Variants in CDYL observed in about 807,000 individuals in gnomAD.
CDYL encodes the protein chromodomain Y-like protein.
A neutral mutation model predicts 47.3 loss-of-function variants in CDYL; 8 were observed. The observed-to-expected ratio is 0.17, with a 90% CI of 0.10 to 0.31. The LOEUF (loss-of-function observed/expected upper bound fraction) is 0.31, where lower values mean the gene tolerates loss of function less well. Among genes scored for constraint, CDYL ranks in the 10% least tolerant of loss-of-function variants. The probability of loss-of-function intolerance (pLI) is 1.00; values close to 1 mark genes in which losing one functional copy is unlikely to be tolerated. For synonymous variants in CDYL, 266 were observed against 265.0 expected (o/e 1.00, Z -0.04); for missense variants, 471 against 701.4 (o/e 0.67, Z 3.71).
intron 1 of CDYL, among the ~76,000 whole-genome samples, chr6:4,871,084 T>A (rs564655770): frequency 6.6e-6 from 1 of 152,328 alleles, no homozygotes; most frequent in African/African-American, 2.4e-5. Context: ...TTTATGAGTG[T>A]GTGTTTATGT....
At chr6:4,911,002 C>CT (rs1244400743) in intron 2 of CDYL, among the ~76,000 whole-genome samples, 3 of 151,742 alleles carry the variant, frequency 2.0e-5, no homozygotes, top group Non-Finnish European at 4.4e-5. Context: ...CCCGGCTAAT[C>CT]TTTTTTTTGT....
At chr6:4,780,084 C>T (rs1229081808) in intron 1 of CDYL, among the ~76,000 whole-genome samples, 3 of 152,102 alleles carry the variant, frequency 2.0e-5, no homozygotes, top group Non-Finnish European at 4.4e-5. Context: ...GATCAACTGT[C>T]ATAGTCTGTT....
intron 2 of CDYL, among the ~76,000 whole-genome samples, chr6:4,902,338 A>G (rs1052772432): frequency 1.2e-4 from 18 of 151,146 alleles, no homozygotes; most frequent in African/African-American, 3.6e-4. Context: ...CCCGGGAGGC[A>G]GAGGTTGCAG....
chr6:4,920,050 C>T (rs1330927512), intron 2 of CDYL, among the ~76,000 whole-genome samples: 1 of 152,126 alleles, frequency 6.6e-6, no homozygotes, highest in Non-Finnish European at 1.5e-5. Flanking sequence ...ACACATGCTG[C>T]AATATGGATG....
rs1561845211 is a variant in CDYL, at chr6:4,776,702, C to A, written c.-82C>A. 1.6e-6 allele frequency: 2 copies of A among 1,240,082 alleles called. No individual in the cohort carries two copies. Among genetic ancestry groups the A allele is most frequent in the Admixed American group, 2.9e-5 (1 of 34,536 alleles). 76.8% of individuals were successfully genotyped at this position (1,240,082 alleles called of 1,614,324 possible). On this transcript the variant is annotated 5_prime_UTR_variant, in exon 1 of 7. Coordinates refer to ENST00000397588, the MANE Select transcript of CDYL (RefSeq NM_004824.4). ...GCAGGAAGCGCAGGCCACGCAGGACCCAACTGAAACAAAGTGTCGGCCGCC... is the reference window on the plus strand; with the variant it reads ...GCAGGAAGCGCAGGCCACGCAGGACACAACTGAAACAAAGTGTCGGCCGCC...
intron 1 of CDYL, among the ~76,000 whole-genome samples, chr6:4,713,222 A>G (rs1347255866): frequency 6.6e-6 from 1 of 152,186 alleles, no homozygotes; most frequent in Admixed American, 6.5e-5. Flanking sequence ...GTCAGAGCAG[A>G]GCTGGAATCT....
chr6:4,785,361 C>T (rs781536386), intron 1 of CDYL, among the ~76,000 whole-genome samples: 2 of 152,120 alleles, frequency 1.3e-5, no homozygotes, highest in African/African-American at 4.8e-5. Context: ...TAGAGAATGT[C>T]TTTTATTTAC....
intron 4 of CDYL, among the ~76,000 whole-genome samples, chr6:4,940,154 A>T (rs1239936559): frequency 6.6e-6 from 1 of 152,160 alleles, no homozygotes; most frequent in Non-Finnish European, 1.5e-5. Flanking sequence ...CACTTTCATC[A>T]GCTCCCTGCT....
At chr6:4,909,424 C>G (rs1757338866) in intron 2 of CDYL, among the ~76,000 whole-genome samples, 1 of 152,178 alleles carries the variant, frequency 6.6e-6, no homozygotes, top group Non-Finnish European at 1.5e-5. Context: ...ACCACCTTGT[C>G]CAAGCAATTG....
intron 1 of CDYL, among the ~76,000 whole-genome samples, chr6:4,789,556 G>A (rs1758861808): frequency 6.6e-6 from 1 of 152,158 alleles, no homozygotes; most frequent in African/African-American, 2.4e-5. Context: ...AAACTTAAAT[G>A]GCTGCTACCC....
intron 1 of CDYL, among the ~76,000 whole-genome samples, chr6:4,844,233 G>T (rs1370863982): frequency 1.3e-5 from 2 of 152,136 alleles, no homozygotes; most frequent in African/African-American, 4.8e-5. Context: ...CTTAATTGTG[G>T]TTTGGTTTTG....
At chr6:4,760,498 T>C (rs538063929) in intron 3 of CDYL, among the ~76,000 whole-genome samples, 26 of 152,246 alleles carry the variant, frequency 1.7e-4, no homozygotes, top group African/African-American at 6.3e-4. Flanking sequence ...CACTGGTTCA[T>C]CATGGATTGG....
intron 3 of CDYL, among the ~76,000 whole-genome samples, chr6:4,756,155 C>A (rs374375239): frequency 1.1e-4 from 16 of 152,304 alleles, no homozygotes; most frequent in East Asian, 3.9e-4. Context: ...TTCTCCTCCC[C>A]TGAATGGCCA....
chr6:4,896,354 A>T (rs958594723), intron 2 of CDYL, among the ~76,000 whole-genome samples: 12 of 152,238 alleles, frequency 7.9e-5, no homozygotes, highest in African/African-American at 2.9e-4. Context: ...GTAAGCTCCA[A>T]GAAAGCATTT....
At chr6:4,934,560 A>G (rs1406994198) in intron 2 of CDYL, among the ~76,000 whole-genome samples, 1 of 152,164 alleles carries the variant, frequency 6.6e-6, no homozygotes, top group East Asian at 1.9e-4. Context: ...CTACTAGTAA[A>G]GTCTGATCTA....
chr6:4,825,109 G>C (rs1304440871), intron 1 of CDYL, among the ~76,000 whole-genome samples: 1 of 152,112 alleles, frequency 6.6e-6, no homozygotes, highest in Non-Finnish European at 1.5e-5. Context: ...GACCTCAGGT[G>C]ATCCGCCAGC....
At chr6:4,919,453 G>C (rs1757648719) in intron 2 of CDYL, among the ~76,000 whole-genome samples, 1 of 152,206 alleles carries the variant, frequency 6.6e-6, no homozygotes. Flanking sequence ...AAGTGTTTCA[G>C]ATTTCACATT....
At chr6:4,835,046 C>T (rs1007794304) in intron 1 of CDYL, among the ~76,000 whole-genome samples, 4 of 152,084 alleles carry the variant, frequency 2.6e-5, no homozygotes, top group South Asian at 2.1e-4. Context: ...GTAGTTTGAT[C>T]GTCTGAAGCC....
chr6:4,750,977 C>T (rs941813784), intron 3 of CDYL, among the ~76,000 whole-genome samples: 2 of 151,520 alleles, frequency 1.3e-5, no homozygotes, highest in East Asian at 3.9e-4. Flanking sequence ...CTCAGCCTCC[C>T]GAGTAGCTGG....
Sources: gnomAD v4.1 joint callset for allele counts (sites outside exome capture counted in the v4.1 genomes callset) on GRCh38, gnomAD v4.1.1 for gene constraint, MANE v1.5 for transcripts, NCBI Gene and HGNC (gene_info 2026-07-23, HGNC 2026-07-21) for gene names.